The following CD1B variants were observed in gnomAD, a reference collection of about 807,000 sequenced individuals.
The protein encoded by CD1B is CD1b molecule, also known as T-cell surface glycoprotein CD1b.
A neutral mutation model predicts 39.8 loss-of-function variants in CD1B; 43 were observed. The ratio of observed to expected loss-of-function variants is 1.08; its 90% CI spans 0.85 to 1.39. CD1B has a LOEUF of 1.39. Ranked by LOEUF, CD1B falls within the 40% of genes most tolerant of loss-of-function variation. The pLI, the probability that CD1B is intolerant of heterozygous loss-of-function variation, is 0.00. For missense variants in CD1B, 495 were observed against 403.8 expected (o/e 1.23, Z -1.94); for synonymous variants, 192 against 152.5 (o/e 1.26, Z -1.91).
At chr1:158,313,274 T>G in the CD1B span, among the ~76,000 whole-genome samples, 1 of 152,152 alleles carries the variant, frequency 6.6e-6, no homozygotes, top group Non-Finnish European at 1.5e-5. Context: ...GATTTTTGCA[T>G]GCGTTTCATT....
At chr1:158,313,614 A>C in the CD1B span, among the ~76,000 whole-genome samples, 2 of 151,848 alleles carry the variant, frequency 1.3e-5, no homozygotes, top group African/African-American at 4.8e-5. Flanking sequence ...CTGTCCTGTA[A>C]TTTTCTTTTT....
chr1:158,321,962 T>A, the CD1B span, among the ~76,000 whole-genome samples: 20 of 152,112 alleles, frequency 1.3e-4, no homozygotes, highest in Admixed American at 5.9e-4. Context: ...CTCCCCACCA[T>A]GTGTCCATGT....
the CD1B span, among the ~76,000 whole-genome samples, chr1:158,319,370 T>C: frequency 6.6e-6 from 1 of 152,214 alleles, no homozygotes; most frequent in Non-Finnish European, 1.5e-5. Flanking sequence ...TTTCTTTTTA[T>C]TCTTTTTTCT....
the CD1B span, among the ~76,000 whole-genome samples, chr1:158,315,388 T>G: frequency 1.3e-5 from 2 of 151,882 alleles, no homozygotes; most frequent in African/African-American, 4.8e-5. Context: ...GGTTTTGATT[T>G]GCATTTCTCT....
chr1:158,318,595 G>T, the CD1B span, among the ~76,000 whole-genome samples: 398 of 152,260 alleles, frequency 2.6e-3, 7 homozygotes, highest in Admixed American at 0.015. Flanking sequence ...ACAGCACACT[G>T]ATGGGTCTTG....
At chr1:158,288,233 A>G in the CD1B span, among the ~76,000 whole-genome samples, 1 of 152,236 alleles carries the variant, frequency 6.6e-6, no homozygotes, top group Non-Finnish European at 1.5e-5. Flanking sequence ...AGAAATTGCC[A>G]CATATCTGTG....
chr1:158,329,254 C>A (rs1439482039), intron 4 of CD1B, 116 bp downstream of exon 4: 9 of 1,291,272 alleles, frequency 7.0e-6, no homozygotes, highest in South Asian at 1.4e-5. Flanking sequence ...TCAGGGAAAT[C>A]AATCAATCAA....
chr1:158,301,117 CT>C, the CD1B span, among the ~76,000 whole-genome samples: 17 of 150,200 alleles, frequency 1.1e-4, no homozygotes, highest in South Asian at 1.3e-3. Context: ...GCAACCCCTG[CT>C]TTTTTTTTGC....
the CD1B span, among the ~76,000 whole-genome samples, chr1:158,288,854 G>A: frequency 6.6e-6 from 1 of 152,212 alleles, no homozygotes; most frequent in Non-Finnish European, 1.5e-5. Context: ...ATAAGTCACT[G>A]AATACTTCAT....
At chr1:158,291,587 A>AT in the CD1B span, among the ~76,000 whole-genome samples, 5 of 151,836 alleles carry the variant, frequency 3.3e-5, no homozygotes, top group Non-Finnish European at 7.4e-5. Context: ...TATTTTTGGA[A>AT]TTTTTTTTCT....
At chr1:158,316,731 G>T in the CD1B span, among the ~76,000 whole-genome samples, 1 of 151,372 alleles carries the variant, frequency 6.6e-6, no homozygotes, top group African/African-American at 2.5e-5. Flanking sequence ...TCCTTGTCTT[G>T]TGCCAGTTTT....
the CD1B span, among the ~76,000 whole-genome samples, chr1:158,299,191 A>G: frequency 3.7e-4 from 56 of 152,140 alleles, no homozygotes; most frequent in Non-Finnish European, 6.6e-4. Flanking sequence ...ATGTTCCATC[A>G]ATATCTAGTG....
the CD1B span, among the ~76,000 whole-genome samples, chr1:158,286,591 G>A: frequency 2.6e-5 from 4 of 152,186 alleles, no homozygotes; most frequent in Admixed American, 6.5e-5. Context: ...GTGACACACC[G>A]GCAGGGACTG....
the CD1B span, among the ~76,000 whole-genome samples, chr1:158,304,601 A>C: frequency 6.6e-6 from 1 of 152,204 alleles, no homozygotes; most frequent in Non-Finnish European, 1.5e-5. Flanking sequence ...TGGTTCTCCC[A>C]GCATGCAGCT....
chr1:158,311,428 C>A, the CD1B span, among the ~76,000 whole-genome samples: 2 of 152,070 alleles, frequency 1.3e-5, no homozygotes, highest in African/African-American at 4.8e-5. Flanking sequence ...GGATCTTAAT[C>A]CCTTTGGATA....
At chr1:158,291,007 A>G in the CD1B span, 2 of 990,046 alleles carry the variant, frequency 2.0e-6, no homozygotes, top group Non-Finnish European at 2.9e-6. Flanking sequence ...TGTAAGGAAA[A>G]TGGTATAGCT....
chr1:158,291,027 A>C, the CD1B span: 1 of 1,177,550 alleles, frequency 8.5e-7, no homozygotes, highest in Non-Finnish European at 1.2e-6. Context: ...TAAAGTAGTC[A>C]TTAATGTTTC....
At chr1:158,314,249 T>A in the CD1B span, among the ~76,000 whole-genome samples, 10 of 152,136 alleles carry the variant, frequency 6.6e-5, no homozygotes, top group Non-Finnish European at 1.2e-4. Context: ...CACAATCAGC[T>A]AATTTTTGTA....
chr1:158,301,073 T>C, the CD1B span, among the ~76,000 whole-genome samples: 2 of 152,056 alleles, frequency 1.3e-5, no homozygotes, highest in Non-Finnish European at 2.9e-5. Context: ...TTGATCTTTA[T>C]TGGTTAAAGT....
Sources: gnomAD v4.1 joint callset for allele counts (sites outside exome capture counted in the v4.1 genomes callset) on GRCh38, gnomAD v4.1.1 for gene constraint, MANE v1.5 for transcripts, NCBI Gene and HGNC (gene_info 2026-07-23, HGNC 2026-07-21) for gene names.